Variants in GLCE observed in about 807,000 individuals in gnomAD.
The protein encoded by GLCE is glucuronic acid epimerase.
In GLCE, 19 loss-of-function variants were observed where a neutral mutation model predicts 47.9. That is an observed-to-expected ratio of 0.40 (90% CI 0.28 to 0.58). The LOEUF (loss-of-function observed/expected upper bound fraction) is 0.58, where lower values mean the gene tolerates loss of function less well. Among genes scored for constraint, GLCE ranks in the 20% least tolerant of loss-of-function variants. The probability of loss-of-function intolerance (pLI) is 0.48; values close to 1 mark genes in which losing one functional copy is unlikely to be tolerated. For missense variants in GLCE, 556 were observed against 743.3 expected, an observed-to-expected ratio of 0.75 and a Z score of 2.93; for synonymous variants, 245 against 263.4, an observed-to-expected ratio of 0.93 and a Z score of 0.68.
chr15:69,179,658 A>T (rs541471885), intron 1 of GLCE, among the ~76,000 whole-genome samples: 1,753 of 152,220 alleles, frequency 0.012, 26 homozygotes, highest in African/African-American at 0.038. Context: ...TATAGGGGAG[A>T]TAATAGAGAT....
intron 1 of GLCE, among the ~76,000 whole-genome samples, chr15:69,201,296 A>G (rs142776922): frequency 1.3e-5 from 2 of 152,050 alleles, no homozygotes; most frequent in African/African-American, 4.8e-5. Flanking sequence ...CTGCCTGTCA[A>G]AGAGGGCTAG....
chr15:69,242,996 A>T (rs1375469275), intron 2 of GLCE, among the ~76,000 whole-genome samples: 1 of 150,498 alleles, frequency 6.6e-6, no homozygotes, highest in Non-Finnish European at 1.5e-5. Flanking sequence ...GATTGCAGCT[A>T]CAGTGAGCTA....
At chr15:69,246,335 G>T (rs2052749625) in intron 2 of GLCE, among the ~76,000 whole-genome samples, 1 of 152,078 alleles carries the variant, frequency 6.6e-6, no homozygotes, top group African/African-American at 2.4e-5. Context: ...CTTTCCAGCA[G>T]GTTTTCAATT....
chr15:69,227,014 G>C (rs1438964228), intron 2 of GLCE, among the ~76,000 whole-genome samples: 1 of 152,040 alleles, frequency 6.6e-6, no homozygotes, highest in African/African-American at 2.4e-5. Flanking sequence ...CAAAGTGCTG[G>C]AATTACAGGC....
chr15:69,164,251 A>T (rs893693377), intron 1 of GLCE, among the ~76,000 whole-genome samples: 2 of 152,070 alleles, frequency 1.3e-5, no homozygotes, highest in African/African-American at 2.4e-5. Flanking sequence ...ACACTGCTGA[A>T]AATGACAGTA....
chr15:69,242,011 T>C (rs2052678695), intron 2 of GLCE, among the ~76,000 whole-genome samples: 1 of 152,222 alleles, frequency 6.6e-6, no homozygotes, highest in African/African-American at 2.4e-5. Context: ...GTATTTTCTA[T>C]TGTAAAATAG....
intron 1 of GLCE, among the ~76,000 whole-genome samples, chr15:69,176,837 G>A (rs1460313583): frequency 6.6e-6 from 1 of 152,146 alleles, no homozygotes; most frequent in Non-Finnish European, 1.5e-5. Flanking sequence ...GATAATGATT[G>A]TAGTTTCTCA....
intron 2 of GLCE, among the ~76,000 whole-genome samples, chr15:69,246,061 C>T (rs559735096): frequency 1.3e-5 from 2 of 152,248 alleles, no homozygotes; most frequent in South Asian, 2.1e-4. Flanking sequence ...GCATCTTCAC[C>T]GGGTGTAGAT....
At chr15:69,206,379 G>C (rs1566955692) in intron 1 of GLCE, among the ~76,000 whole-genome samples, 1 of 151,828 alleles carries the variant, frequency 6.6e-6, no homozygotes, top group Non-Finnish European at 1.5e-5. Context: ...TTGTCTTTTT[G>C]TATTATATTC....
intron 2 of GLCE, among the ~76,000 whole-genome samples, chr15:69,249,847 C>T (rs577550686): frequency 6.6e-6 from 1 of 152,176 alleles, no homozygotes; most frequent in African/African-American, 2.4e-5. Flanking sequence ...TTGCAAATCA[C>T]TTTAGAATAG....
chr15:69,216,539 A>T (rs970151393), intron 2 of GLCE, among the ~76,000 whole-genome samples: 1 of 152,136 alleles, frequency 6.6e-6, no homozygotes, highest in Non-Finnish European at 1.5e-5. Context: ...TACCCTATTT[A>T]AGCCTGATAC....
At chr15:69,190,312 T>C (rs891236653) in intron 1 of GLCE, among the ~76,000 whole-genome samples, 5 of 152,102 alleles carry the variant, frequency 3.3e-5, no homozygotes, top group African/African-American at 9.7e-5. Context: ...ATCAAGTTGG[T>C]TGCTAGTGGT....
At chr15:69,193,463 A>G (rs1229060526) in intron 1 of GLCE, among the ~76,000 whole-genome samples, 4 of 152,080 alleles carry the variant, frequency 2.6e-5, no homozygotes, top group Non-Finnish European at 5.9e-5. Flanking sequence ...TCATCCTCGT[A>G]ATGTGTGAAA....
chr15:69,192,880 T>G (rs1595747045), intron 1 of GLCE, among the ~76,000 whole-genome samples: 1 of 152,280 alleles, frequency 6.6e-6, no homozygotes, highest in East Asian at 1.9e-4. Context: ...ATTCCTGGCC[T>G]TTTGTGAGCA....
Position 69,255,801 on chromosome 15 carries a change from C to G in GLCE, c.-6C>G. 1 of 1,588,534 alleles carries G rather than the reference C, an allele frequency of 6.3e-7. No homozygotes were observed. Among genetic ancestry groups the G allele is most frequent in the African/African-American group, 1.3e-5 (1 of 74,256 alleles). ...TTCTTCTTGCCTCCATAGGTATGGT[C>G]TGAATATGCGTTGCTTGGCAGCTCG... On this transcript the variant is annotated 5_prime_UTR_variant, in exon 3 of 5. Transcript: ENST00000261858.
At chr15:69,214,017 C>CT (rs1281972025) in intron 2 of GLCE, among the ~76,000 whole-genome samples, 4 of 151,884 alleles carry the variant, frequency 2.6e-5, no homozygotes, top group Middle Eastern at 3.4e-3. Flanking sequence ...TCTTTTCTTT[C>CT]TTTTTTTTAA....
intron 1 of GLCE, among the ~76,000 whole-genome samples, chr15:69,209,992 T>C (rs1327751020): frequency 6.6e-6 from 1 of 152,044 alleles, no homozygotes; most frequent in Non-Finnish European, 1.5e-5. Context: ...ATTTGCACAC[T>C]TCCTTGTGAG....
At chr15:69,212,520 T>C (rs182303218) in intron 2 of GLCE, among the ~76,000 whole-genome samples, 1,564 of 152,152 alleles carry the variant, frequency 0.01, 13 homozygotes, top group Middle Eastern at 0.017. Context: ...ATGTGTACTT[T>C]AAAGACAGGC....
At chr15:69,171,712 T>C (rs930502307) in intron 1 of GLCE, among the ~76,000 whole-genome samples, 6 of 152,144 alleles carry the variant, frequency 3.9e-5, no homozygotes, top group African/African-American at 1.4e-4. Context: ...TAGATTCTTT[T>C]TAAGGCCCTT....
Sources: allele counts gnomAD v4.1 joint callset (sites outside exome capture counted in the v4.1 genomes callset), GRCh38; gene constraint gnomAD v4.1.1; transcripts MANE v1.5; gene names NCBI Gene and HGNC (gene_info 2026-07-23, HGNC 2026-07-21).